Variants in MALRD1 observed in about 807,000 individuals in gnomAD.
MALRD1 encodes MAM and LDL receptor class A domain containing 1.
Under a neutral mutation model 242.1 loss-of-function variants are expected in MALRD1, and 247 were observed. The observed-to-expected ratio is 1.02, with a 90% CI of 0.92 to 1.13. The LOEUF (loss-of-function observed/expected upper bound fraction) is 1.13, where lower values mean the gene tolerates loss of function less well. Among genes scored for constraint, MALRD1 ranks in the 50% most tolerant of loss-of-function variants. The pLI is 0.00. For missense variants in MALRD1, 2,989 were observed against 2,533.1 expected (o/e 1.18, Z -3.86); for synonymous variants, 995 against 866.6 (o/e 1.15, Z -2.60).
At chr10:19,107,964 C>T (rs1219982424) in intron 5 of MALRD1, among the ~76,000 whole-genome samples, 1 of 152,028 alleles carries the variant, frequency 6.6e-6, no homozygotes, top group Non-Finnish European at 1.5e-5. Flanking sequence ...TATAATGTGT[C>T]TTAAAGAGGA....
intron 18 of MALRD1, among the ~76,000 whole-genome samples, chr10:19,254,843 A>G (rs1369620698): frequency 6.6e-6 from 1 of 152,056 alleles, no homozygotes; most frequent in Non-Finnish European, 1.5e-5. Flanking sequence ...TTACAAATAC[A>G]TGATGGCTAA....
intron 33 of MALRD1, among the ~76,000 whole-genome samples, chr10:19,585,400 A>C (rs1448946914): frequency 6.6e-6 from 1 of 150,624 alleles, no homozygotes. Context: ...TTCCTTCAGG[A>C]GCTCTTTTAG....
chr10:19,436,330 C>G (rs1834350447), intron 28 of MALRD1, among the ~76,000 whole-genome samples: 2 of 152,140 alleles, frequency 1.3e-5, no homozygotes. Flanking sequence ...TCATCTGTAT[C>G]TAAATTGATC....
intron 18 of MALRD1, among the ~76,000 whole-genome samples, chr10:19,235,080 C>A (rs1322035852): frequency 1.3e-5 from 2 of 152,146 alleles, no homozygotes; most frequent in Non-Finnish European, 2.9e-5. Context: ...TCAAGGATAT[C>A]TCAGATGTTA....
chr10:19,580,691 C>G (rs115680393), intron 33 of MALRD1, among the ~76,000 whole-genome samples: 1,984 of 152,304 alleles, frequency 0.013, 19 homozygotes, highest in East Asian at 0.036. Flanking sequence ...TTGGCCTCGA[C>G]TAGCTGCAGT....
chr10:19,708,591 C>A (rs1833971784), intron 38 of MALRD1, among the ~76,000 whole-genome samples: 2 of 112,068 alleles, frequency 1.8e-5, no homozygotes, highest in African/African-American at 5.7e-5. Context: ...AGTGATTCTC[C>A]TGCCGGGGCC....
At chr10:19,537,114 G>A (rs1270601499) in intron 32 of MALRD1, among the ~76,000 whole-genome samples, 1 of 152,172 alleles carries the variant, frequency 6.6e-6, no homozygotes, top group African/African-American at 2.4e-5. Context: ...GATTGAAGAT[G>A]GAGGAAGAGA....
chr10:19,525,593 T>G (rs1414110893), intron 31 of MALRD1, among the ~76,000 whole-genome samples: 1 of 152,200 alleles, frequency 6.6e-6, no homozygotes, highest in Non-Finnish European at 1.5e-5. Flanking sequence ...ATTGGAAATC[T>G]CTATTCATTG....
At position 19,324,213 on chromosome 10, in the gene MALRD1, C is replaced by G. The variant is rs752421722; in HGVS notation, c.3576+108C>G. 9 of 1,084,148 alleles carry G rather than the reference C, an allele frequency of 8.3e-6. No individual in the cohort carries two copies. The East Asian group carries it at 1.8e-4, about 22-fold the overall frequency. 67.2% of individuals were successfully genotyped at this position (1,084,148 alleles called of 1,614,324 possible). ...GTTAATAAGTGAAAATGGACAATTA[C>G]CAACACTTCACTAGATTTATAGTGG... is the stretch of plus-strand genomic sequence containing the variant. On this transcript the variant is annotated intron_variant, in intron 22 of 39. Transcript: ENST00000454679.
At chr10:19,169,180 C>T (rs1163445473) in intron 13 of MALRD1, among the ~76,000 whole-genome samples, 1 of 151,908 alleles carries the variant, frequency 6.6e-6, no homozygotes, top group East Asian at 1.9e-4. Context: ...CCCCAATCTC[C>T]CAGAGGGTGT....
chr10:19,450,256 ATCT>A (rs1465741270), intron 28 of MALRD1, 48 bp from the exon 29 acceptor site: 4 of 1,474,402 alleles, frequency 2.7e-6, no homozygotes, highest in African/African-American at 1.4e-5. Context: ...ACACTGCATC[ATCT>A]TCTTTTGTGT....
Position 19,185,489 on chromosome 10 carries a change from C to A in MALRD1, c.1951+10161C>A, listed in dbSNP as rs138938010. On this transcript the variant is annotated intron_variant, in intron 14 of 39. Coordinates refer to ENST00000454679, the MANE Select transcript of MALRD1 (RefSeq NM_001142308.3). ...AAACCTTAGCCAAGGTTGAATAGTACAAGGAAAAGGAGTGATTTATTATTT... is the reference window on the plus strand; with the variant it reads ...AAACCTTAGCCAAGGTTGAATAGTAAAAGGAAAAGGAGTGATTTATTATTT... Among the ~76,000 whole-genome samples the A allele has an allele frequency of 8.6e-3, 1,297 of 151,602 alleles. 14 individuals carry two copies. The highest frequency in any genetic ancestry group is 0.03 in the African/African-American group (1,230 of 41,378).
rs1295856463 is a variant in MALRD1, at chr10:19,270,334, T to TCACACACA, written c.3080-9712_3080-9711insACACACAC. 1.1e-3 allele frequency among the ~76,000 whole-genome samples: 83 copies of TCACACACA among 75,724 alleles called. 1 individual carries two copies. The highest frequency in any genetic ancestry group is 3.1e-3 in the African/African-American group (76 of 24,198). The allele number at this position is 75,724 out of a possible 152,430, so 49.7% of individuals were successfully genotyped here. On this transcript the variant is annotated intron_variant, in intron 19 of 39. Transcript: ENST00000454679. Reference sequence around the variant, plus strand: ...TCTCTCTCTTCTCTCTCTCTCTCTCTCTCACACACACACACACACACACAC... The same window carrying TCACACACA: ...TCTCTCTCTTCTCTCTCTCTCTCTCTCACACACACTCACACACACACACACACACACAC...
At chr10:19,417,545 T>C (rs1833557300) in intron 28 of MALRD1, among the ~76,000 whole-genome samples, 1 of 152,166 alleles carries the variant, frequency 6.6e-6, no homozygotes, top group African/African-American at 2.4e-5. Context: ...TGAAATAAAT[T>C]TGTTGCACAG....
At chr10:19,704,919 G>C (rs1833792433) in intron 38 of MALRD1, among the ~76,000 whole-genome samples, 1 of 152,136 alleles carries the variant, frequency 6.6e-6, no homozygotes. Flanking sequence ...GAACGAGGCA[G>C]GCAGGTGACT....
chr10:19,671,187 T>C (rs762519970), intron 36 of MALRD1, among the ~76,000 whole-genome samples: 3 of 152,208 alleles, frequency 2.0e-5, no homozygotes, highest in African/African-American at 4.8e-5. Flanking sequence ...ACTACTTGAA[T>C]AAATTTTAAA....
At chr10:19,065,133 CA>C in intron 1 of MALRD1, among the ~76,000 whole-genome samples, 1 of 150,854 alleles carries the variant, frequency 6.6e-6, no homozygotes, top group East Asian at 2.0e-4. Flanking sequence ...ACTAAAAATA[CA>C]AAATTAGCCA....
chr10:19,466,844 A>G (rs1418839565), intron 29 of MALRD1, among the ~76,000 whole-genome samples: 2 of 152,154 alleles, frequency 1.3e-5, no homozygotes, highest in Admixed American at 1.3e-4. Flanking sequence ...AATATTTTAA[A>G]TAATATATAT....
chr10:19,125,018 C>T (rs112890241), intron 7 of MALRD1, among the ~76,000 whole-genome samples: 8,433 of 117,540 alleles, frequency 0.072, 274 homozygotes, highest in South Asian at 0.16. Context: ...AGATCTCGGC[C>T]CACTGCAACC....
Sources: gnomAD v4.1 joint callset for allele counts (sites outside exome capture counted in the v4.1 genomes callset) on GRCh38, gnomAD v4.1.1 for gene constraint, MANE v1.5 for transcripts, NCBI Gene and HGNC (gene_info 2026-07-23, HGNC 2026-07-21) for gene names.